ZNF280D: variants seen among roughly 807,000 people sequenced by gnomAD.
The protein encoded by ZNF280D is zinc finger protein 280D.
In ZNF280D, 39 loss-of-function variants were observed where a neutral mutation model predicts 94.7. The observed-to-expected ratio is 0.41, with a 90% CI of 0.32 to 0.54. ZNF280D has a LOEUF of 0.54. Among genes scored for constraint, ZNF280D ranks in the 20% least tolerant of loss-of-function variants. The pLI, the probability that ZNF280D is intolerant of heterozygous loss-of-function variation, is 0.22. For synonymous variants in ZNF280D, 398 were observed against 377.6 expected, an observed-to-expected ratio of 1.05 and a Z score of -0.63; for missense variants, 1,090 against 1,149.3, an observed-to-expected ratio of 0.95 and a Z score of 0.75.
chr15:56,721,016 G>A (rs1269830949), intron 1 of ZNF280D, among the ~76,000 whole-genome samples: 2 of 150,680 alleles, frequency 1.3e-5, no homozygotes, highest in African/African-American at 4.9e-5. Context: ...AGCCTTGAGT[G>A]CAGTGGCACC....
chr15:56,704,779 G>C (rs2057301056), intron 3 of ZNF280D, among the ~76,000 whole-genome samples: 1 of 152,062 alleles, frequency 6.6e-6, no homozygotes, highest in Admixed American at 6.6e-5. Context: ...TCAGGAGTTT[G>C]AGACCAGCCT....
intron 21 of ZNF280D, among the ~76,000 whole-genome samples, chr15:56,633,357 G>T (rs192287880): frequency 6.6e-6 from 1 of 151,912 alleles, no homozygotes; most frequent in African/African-American, 2.4e-5. Context: ...ATATACTTTA[G>T]AACTAAACAA....
At chr15:56,705,070 A>G (rs961571503) in intron 3 of ZNF280D, among the ~76,000 whole-genome samples, 4 of 152,278 alleles carry the variant, frequency 2.6e-5, no homozygotes. Context: ...ATTCAATTAA[A>G]GGCAAAGTAG....
rs1455253014 is a variant in ZNF280D at position 56,631,966 on chromosome 15, G to C, written c.2472C>G (p.Ile824Met). Residue 824 changes from isoleucine to methionine, a missense_variant, in exon 22 of 22, where the codon ATC becomes ATG. Physicochemically the swap from Ile to Met is conservative, Grantham distance 10. This residue lies in a region of ZNF280D where 577 missense variants were observed against 568.8 expected (regional missense o/e 1.01). Coordinates refer to ENST00000267807, the MANE Select transcript of ZNF280D (RefSeq NM_017661.4). ...CACCAATATTTGAATCACAACTGAC[G>C]ATGTTTTTTGAGCCAGTTTCCTGGT... Reference protein sequence around the residue: ...LADQETGSKNIVSCDSNIGAD... With the variant: ...LADQETGSKNMVSCDSNIGAD... 30 of 1,613,912 alleles carry C rather than the reference G, an allele frequency of 1.9e-5. No individual in the cohort carries two copies. The highest frequency in any genetic ancestry group is 2.4e-5 in the Non-Finnish European group (28 of 1,179,988).
chr15:56,711,898 C>T (rs1416033080), intron 1 of ZNF280D, among the ~76,000 whole-genome samples: 1 of 152,126 alleles, frequency 6.6e-6, no homozygotes, highest in East Asian at 1.9e-4. Flanking sequence ...TATGGTATAG[C>T]CTATTGCTCC....
In ZNF280D at chr15:56,729,759, A is replaced by G. The variant is rs543851557; in HGVS notation, c.-86+3699T>C. ...GGAAGGGAATGTTGTCTTACCCTCTAACCACAATGATTTCTGCACAGATCT... is the reference window on the plus strand; with the variant it reads ...GGAAGGGAATGTTGTCTTACCCTCTGACCACAATGATTTCTGCACAGATCT... On this transcript the variant is annotated intron_variant, in intron 1 of 21. Transcript: ENST00000267807. 5.9e-5 allele frequency: 9 copies of G among 152,332 alleles called. No homozygotes were observed. The East Asian group carries it at 1.7e-3, about 29-fold the overall frequency. The allele number at this position is 152,332 out of a possible 1,614,324, so 9.4% of individuals were successfully genotyped here. A position where few individuals can be genotyped will look rare whatever the true frequency, so the allele number is the denominator to read the frequency against.
chr15:56,704,132 G>A lies in ZNF280D; in HGVS notation c.164C>T (p.Pro55Leu), dbSNP rs1230307983. 4 of 1,613,420 alleles carry A rather than the reference G, an allele frequency of 2.5e-6. No homozygotes were observed. The highest frequency in any genetic ancestry group is 3.4e-6 in the Non-Finnish European group (4 of 1,179,828). The change falls in exon 4 of 22, where the codon CCA becomes CTA. Residue 55 changes from proline (P) to leucine (L), a missense_variant. By Grantham distance (98) the Pro-to-Leu change is moderately conservative (BLOSUM62 -3). Around this residue, in one of 3 missense-constraint regions of ZNF280D, gnomAD observed 386 missense variants for 372.0 expected, o/e 1.04. Coordinates refer to ENST00000267807, the MANE Select transcript of ZNF280D (RefSeq NM_017661.4). ...IFVGEISSSK[P>L]AISNILNRVN... ...AAGTAAATGCTTACTTGAAATTGCTGGTTTTGAACTTGATATCTCGCCAAC... is the reference window on the plus strand; with the variant it reads ...AAGTAAATGCTTACTTGAAATTGCTAGTTTTGAACTTGATATCTCGCCAAC...
chr15:56,733,460 T>G lies in ZNF280D; in HGVS notation c.-88A>C. On this transcript the variant is annotated splice_region_variant and 5_prime_UTR_variant, in exon 1 of 22. Coordinates refer to ENST00000267807, the MANE Select transcript of ZNF280D (RefSeq NM_017661.4). ...GGCGGGGGCGGGGGGGCGCTTACCG[T>G]GAGCGGAGCGGATCGGCCTGACTGG... 2.6e-5 allele frequency: 28 copies of G among 1,075,122 alleles called. No individual in the cohort carries two copies. The highest frequency in any genetic ancestry group is 3.1e-5 in the Non-Finnish European group (27 of 882,200). 66.6% of individuals were successfully genotyped at this position (1,075,122 alleles called of 1,614,324 possible). A position where few individuals can be genotyped will look rare whatever the true frequency, so the allele number is the denominator to read the frequency against.
At chr15:56,707,461 C>A in intron 1 of ZNF280D, 155 bp from the exon 2 acceptor site, 1 of 380,106 alleles carries the variant, frequency 2.6e-6, no homozygotes, top group South Asian at 3.4e-5. Flanking sequence ...CTGAATAAAC[C>A]CAAATTTAAT....
At chr15:56,653,282 G>A in intron 19 of ZNF280D, 1 of 1,198,398 alleles carries the variant, frequency 8.3e-7, no homozygotes, top group South Asian at 4.2e-5. Context: ...GCAGTGGTTT[G>A]ATGGGCTTTT....
chr15:56,682,484 G>GAC lies in ZNF280D; in HGVS notation c.781-8_781-7insGT. 12 of 400,600 alleles carry GAC rather than the reference G, an allele frequency of 3.0e-5. No individual in the cohort carries two copies. Among genetic ancestry groups the GAC allele is most frequent in the African/African-American group, 4.3e-5 (1 of 23,168 alleles). 24.8% of individuals were successfully genotyped at this position (400,600 alleles called of 1,614,324 possible). A position where few individuals can be genotyped will look rare whatever the true frequency, so the allele number is the denominator to read the frequency against. On this transcript the variant is annotated splice_region_variant and splice_polypyrimidine_tract_variant and intron_variant, in intron 9 of 21. Transcript: ENST00000267807. ...TCATGTCTGGACAACAATACTGAAAGAGAAAAAAAAAAAAAAAAAACAAGC... is the reference window on the plus strand; with the variant it reads ...TCATGTCTGGACAACAATACTGAAAGACAGAAAAAAAAAAAAAAAAAACAAGC...
intron 1 of ZNF280D, 27 bp from the exon 2 acceptor site, chr15:56,707,333 G>C (rs538018075): frequency 4.6e-6 from 7 of 1,512,662 alleles, no homozygotes; most frequent in Non-Finnish European, 6.2e-6. Context: ...CCAACTATTA[G>C]GGTGGACTTC....
chr15:56,726,249 G>C (rs2141468230), intron 1 of ZNF280D, among the ~76,000 whole-genome samples: 2 of 152,044 alleles, frequency 1.3e-5, no homozygotes, highest in East Asian at 3.9e-4. Context: ...GAAGAGGCAG[G>C]TAGGTTTAAT....
chr15:56,678,752 G>A lies in ZNF280D; in HGVS notation c.1074C>T (p.Thr358=). Reference sequence around the variant, plus strand: ...ACTGACGGTAGCAGTGCTGGCAGGTGGTATGGTTTTCCCAGCTCTCACTGC... The same window carrying A: ...ACTGACGGTAGCAGTGCTGGCAGGTAGTATGGTTTTCCCAGCTCTCACTGC... The part of the protein sequence containing the change: ...KQSSESWENH[T]TCQHCYRQFP... The change falls in exon 11 of 22, where the codon ACC becomes ACT. Residue 358 remains threonine (T), a synonymous_variant. Coordinates refer to ENST00000267807, the MANE Select transcript of ZNF280D (RefSeq NM_017661.4). 1.9e-6 allele frequency: 3 copies of A among 1,613,010 alleles called. No individual in the cohort carries two copies. The highest frequency in any genetic ancestry group is 1.1e-5 in the South Asian group (1 of 90,982).
chr15:56,722,690 A>T (rs999706577), intron 1 of ZNF280D, among the ~76,000 whole-genome samples: 3 of 152,198 alleles, frequency 2.0e-5, no homozygotes, highest in African/African-American at 2.4e-5. Context: ...AGGATCTAGA[A>T]CTAGACATAC....
At chr15:56,666,619 AAAGTAT>A (rs2054308300) in intron 15 of ZNF280D, 54 bp downstream of exon 15, 1 of 1,505,766 alleles carries the variant, frequency 6.6e-7, no homozygotes, top group Non-Finnish European at 8.9e-7. Flanking sequence ...TCTCTTAACT[AAAGTAT>A]AAGTTTTTAT....
At chr15:56,691,575 G>A (rs574866522) in intron 7 of ZNF280D, among the ~76,000 whole-genome samples, 39 of 152,218 alleles carry the variant, frequency 2.6e-4, no homozygotes, top group Non-Finnish European at 2.2e-4. Context: ...TTTGGCTTGT[G>A]TTGCTCCCTA....
chr15:56,678,575 C>A (rs369824874), intron 11 of ZNF280D, 89 bp downstream of exon 11: 3 of 1,235,806 alleles, frequency 2.4e-6, no homozygotes, highest in East Asian at 2.7e-5. Context: ...TTCTCATTCT[C>A]ATTTTTCTAA....
At chr15:56,640,956 A>T (rs2052598185) in intron 20 of ZNF280D, among the ~76,000 whole-genome samples, 1 of 152,128 alleles carries the variant, frequency 6.6e-6, no homozygotes, top group Non-Finnish European at 1.5e-5. Context: ...TGTAAATCAG[A>T]TGTATTTATA....
Sources: gnomAD v4.1 joint callset for allele counts (sites outside exome capture counted in the v4.1 genomes callset) on GRCh38, gnomAD v4.1.1 for gene constraint, gnomAD v4.1.1 regional missense constraint, MANE v1.5 for transcripts, NCBI Gene and HGNC (gene_info 2026-07-23, HGNC 2026-07-21) for gene names.